The following CAP1 variants were observed in gnomAD, a reference collection of about 807,000 sequenced individuals.
The protein encoded by CAP1 is cyclase associated actin cytoskeleton regulatory protein 1.
CAP1 carries 11 observed loss-of-function variants against 58.2 expected under a neutral mutation model. The observed-to-expected ratio is 0.19, with a 90% CI of 0.12 to 0.31. The LOEUF (loss-of-function observed/expected upper bound fraction) is 0.31. Ranked by LOEUF, CAP1 falls within the 10% of genes least tolerant of loss-of-function variation. CAP1 has a pLI of 1.00. For synonymous variants in CAP1, 183 were observed against 213.8 expected, an observed-to-expected ratio of 0.86 and a Z score of 1.26; for missense variants, 423 against 587.5, an observed-to-expected ratio of 0.72 and a Z score of 2.89.
At chr1:40,040,848 A>C (rs1431600048) in intron 1 of CAP1, 47 bp downstream of exon 1, 1 of 152,924 alleles carries the variant, frequency 6.5e-6, no homozygotes, top group Non-Finnish European at 1.5e-5. Context: ...TCCGGGGCCC[A>C]TCGGCCCCTG....
At chr1:40,053,280 C>T (rs946235816) in intron 1 of CAP1, among the ~76,000 whole-genome samples, 2 of 152,128 alleles carry the variant, frequency 1.3e-5, no homozygotes, top group African/African-American at 4.8e-5. Context: ...CATAAAGAGA[C>T]CTTGAGCCCA....
chr1:40,067,288 A>C (rs1317604278), intron 7 of CAP1: 1 of 419,840 alleles, frequency 2.4e-6, no homozygotes, highest in African/African-American at 2.1e-5. Context: ...GATTTGTGGA[A>C]ATAGTTTTTA....
In CAP1 at chr1:40,050,532, G is replaced by T. The variant is rs569634690; in HGVS notation, c.-10-8805G>T. ...AAATTCGCCGGGCGTGGTGGTGCAT[G>T]CCTGTAGTTCCAGCTACTCGGGAGG... On this transcript the variant is annotated intron_variant, in intron 1 of 12. Transcript: ENST00000372805. Among the ~76,000 whole-genome samples the T allele has an allele frequency of 2.0e-5, 3 of 151,934 alleles. No homozygotes were observed. The South Asian group carries it at 6.2e-4, about 32-fold the overall frequency.
At position 40,071,127 on chromosome 1, in the gene CAP1, C is replaced by T. The variant is rs1443672254; in HGVS notation, c.1344+148C>T. 1.1e-5 allele frequency: 9 copies of T among 796,016 alleles called. No homozygotes were observed. In the African/African-American group the frequency reaches 1.6e-4, roughly 14 times the overall value. The allele number at this position is 796,016 out of a possible 1,614,324, so 49.3% of individuals were successfully genotyped here. On this transcript the variant is annotated intron_variant, in intron 12 of 12. Transcript: ENST00000372805. ...CAAAAGTACACAGAAATGAGGTAGT[C>T]CCATGTAGTGGAGCCCCAAAGGTAG...
At position 40,061,684 on chromosome 1, in the gene CAP1, G is replaced by T. The variant is rs1570401042; in HGVS notation, c.217-51G>T. 15 of 1,462,636 alleles carry T rather than the reference G, an allele frequency of 1.0e-5. 1 individual carries two copies. The East Asian group carries it at 3.4e-4, about 33-fold the overall frequency. The allele number at this position is 1,462,636 out of a possible 1,614,324, so 90.6% of individuals were successfully genotyped here. On this transcript the variant is annotated intron_variant, in intron 3 of 12. Coordinates refer to ENST00000372805, the MANE Select transcript of CAP1 (RefSeq NM_006367.4). ...AGAGGTTTCAGGTTATTCTTATCAAGACTTCTCTAGTTATAATGTGTCATC... is the reference window on the plus strand; with the variant it reads ...AGAGGTTTCAGGTTATTCTTATCAATACTTCTCTAGTTATAATGTGTCATC...
chr1:40,061,885 T>TA, intron 4 of CAP1, 73 bp downstream of exon 4: 1 of 1,141,428 alleles, frequency 8.8e-7, no homozygotes, highest in Non-Finnish European at 1.3e-6. Flanking sequence ...GTCAAGCTAT[T>TA]ATAACATTTT....
chr1:40,068,829 TTATTTTA>T (rs1244227911), intron 8 of CAP1, among the ~76,000 whole-genome samples: 1 of 35,476 alleles, frequency 2.8e-5, no homozygotes, highest in Non-Finnish European at 1.3e-4. Context: ...CTTTTATTTT[TTATTTTA>T]TTTTATTTTT....
At chr1:40,058,447 C>A (rs893945305) in intron 1 of CAP1, among the ~76,000 whole-genome samples, 1 of 152,104 alleles carries the variant, frequency 6.6e-6, no homozygotes, top group Non-Finnish European at 1.5e-5. Context: ...GAGGGCAGGC[C>A]GGGCACAGTG....
chr1:40,062,502 C>G (rs1285537658), intron 4 of CAP1, among the ~76,000 whole-genome samples: 2 of 152,106 alleles, frequency 1.3e-5, no homozygotes, highest in Admixed American at 6.5e-5. Flanking sequence ...GTAATCCCAG[C>G]ACTTTGGGAG....
Position 40,060,048 on chromosome 1 carries a change from G to T in CAP1, c.113-19G>T, listed in dbSNP as rs1480431922. ...CCTTCTGATGCATGGCTGATTCTTT[G>T]TGGTGTGTTTGTCTTTAGCAGGAGC... is the stretch of plus-strand genomic sequence containing the variant. On this transcript the variant is annotated intron_variant, in intron 2 of 12. Transcript: ENST00000372805. 6.2e-7 allele frequency: 1 copy of T among 1,600,910 alleles called. No individual in the cohort carries two copies. The highest frequency in any genetic ancestry group is 1.3e-5 in the African/African-American group (1 of 74,552).
intron 6 of CAP1, 21 bp from the exon 7 acceptor site, chr1:40,066,194 G>A (rs1553164493): frequency 2.2e-6 from 3 of 1,361,710 alleles, no homozygotes; most frequent in African/African-American, 1.4e-5. Context: ...CCTGTGACAA[G>A]TTCTTCTTTA....
intron 1 of CAP1, among the ~76,000 whole-genome samples, chr1:40,042,298 G>C (rs914536063): frequency 1.3e-5 from 2 of 152,216 alleles, no homozygotes; most frequent in Non-Finnish European, 1.5e-5. Context: ...AAGTAAATGA[G>C]GGATGGCTTA....
chr1:40,045,841 A>G (rs1297436282), intron 1 of CAP1, among the ~76,000 whole-genome samples: 1 of 152,070 alleles, frequency 6.6e-6, no homozygotes, highest in African/African-American at 2.4e-5. Flanking sequence ...ATGAGCCACC[A>G]TGCGCTCGGC....
chr1:40,056,741 G>T (rs1253997230), intron 1 of CAP1, among the ~76,000 whole-genome samples: 1 of 151,942 alleles, frequency 6.6e-6, no homozygotes, highest in African/African-American at 2.4e-5. Context: ...GAGGCTTTAG[G>T]AGTGTACATG....
In CAP1 at chr1:40,064,267, T is replaced by C; in HGVS notation, c.335T>C (p.Ile112Thr). ...TTGTTGGCACCCATCTCAGAGCAGA[T>C]CAAAGAAGTGATAACCTTTCGGGAG... The part of the protein sequence containing the change: ...SDLLAPISEQ[I>T]KEVITFREKN... The change falls in exon 5 of 13, where the codon ATC (isoleucine) becomes ACC (threonine). Residue 112 changes from isoleucine to threonine, a missense_variant. By Grantham distance (89) the Ile-to-Thr change is moderately conservative. Coordinates refer to ENST00000372805, the MANE Select transcript of CAP1 (RefSeq NM_006367.4). 9 of 1,614,184 alleles carry C rather than the reference T, an allele frequency of 5.6e-6. No homozygotes were observed. The highest frequency in any genetic ancestry group is 7.6e-6 in the Non-Finnish European group (9 of 1,180,010).
intron 1 of CAP1, among the ~76,000 whole-genome samples, chr1:40,044,760 C>T (rs6674911): frequency 0.032 from 4,716 of 148,750 alleles, 210 homozygotes; most frequent in African/African-American, 0.094. Flanking sequence ...TCAACGTTGG[C>T]ACAATTGACA....
At chr1:40,059,814 A>G (rs1646772623) in intron 2 of CAP1, among the ~76,000 whole-genome samples, 1 of 152,248 alleles carries the variant, frequency 6.6e-6, no homozygotes, top group Non-Finnish European at 1.5e-5. Flanking sequence ...AGCACTAAAA[A>G]AAACCTTGGA....
intron 3 of CAP1, among the ~76,000 whole-genome samples, chr1:40,061,156 C>T (rs1570398976): frequency 6.8e-6 from 1 of 147,232 alleles, no homozygotes; most frequent in African/African-American, 2.5e-5. Context: ...TTCTGCTGTA[C>T]TTTTTTTTTT....
At chr1:40,060,579 AC>A (rs2124352883) in intron 3 of CAP1, among the ~76,000 whole-genome samples, 1 of 152,212 alleles carries the variant, frequency 6.6e-6, no homozygotes, top group African/African-American at 2.4e-5. Context: ...GGTTATTTTC[AC>A]ACTTAACCCA....
Sources: allele counts gnomAD v4.1 joint callset (sites outside exome capture counted in the v4.1 genomes callset), GRCh38; gene constraint gnomAD v4.1.1; transcripts MANE v1.5; gene names NCBI Gene and HGNC (gene_info 2026-07-23, HGNC 2026-07-21).